MYO9A: variants seen among roughly 807,000 people sequenced by gnomAD.
MYO9A encodes the protein unconventional myosin-IXa.
MYO9A carries 103 observed loss-of-function variants against 293.3 expected under a neutral mutation model. The ratio of observed to expected loss-of-function variants is 0.35; its 90% CI spans 0.30 to 0.41. The LOEUF is 0.41. Among genes scored for constraint, MYO9A ranks in the 10% least tolerant of loss-of-function variants. MYO9A has a pLI of 1.00. For missense variants in MYO9A, 2,685 were observed against 3,033.0 expected (o/e 0.89, Z 2.69); for synonymous variants, 1,001 against 1,035.7 (o/e 0.97, Z 0.64).
chr15:71,981,785 C>A (rs957171152), intron 11 of MYO9A, among the ~76,000 whole-genome samples: 7 of 151,862 alleles, frequency 4.6e-5, no homozygotes, highest in Non-Finnish European at 8.8e-5. Context: ...TTAATTTCCT[C>A]TTTTATCTCT....
intron 6 of MYO9A, among the ~76,000 whole-genome samples, chr15:72,017,166 G>A (rs1013733233): frequency 2.0e-5 from 3 of 151,718 alleles, no homozygotes; most frequent in African/African-American, 4.8e-5. Flanking sequence ...AACTACAGGC[G>A]TGTATCACTA....
chr15:71,987,556 AG>A (rs1424401249), intron 11 of MYO9A, among the ~76,000 whole-genome samples: 1 of 152,168 alleles, frequency 6.6e-6, no homozygotes, highest in Non-Finnish European at 1.5e-5. Flanking sequence ...GCAGCCTTTC[AG>A]GTAGTTCCAA....
At chr15:72,067,903 T>G (rs1362522991) in intron 1 of MYO9A, among the ~76,000 whole-genome samples, 2 of 152,188 alleles carry the variant, frequency 1.3e-5, no homozygotes, top group Non-Finnish European at 2.9e-5. Flanking sequence ...TCATATTGTT[T>G]TACTCTGCAA....
intron 18 of MYO9A, 24 bp downstream of exon 18, chr15:71,933,646 A>T (rs1451269233): frequency 6.3e-7 from 1 of 1,596,252 alleles, no homozygotes; most frequent in African/African-American, 1.3e-5. Context: ...ATACCAATAC[A>T]AAAAAAGTTT....
chr15:71,983,229 T>G (rs974725142), intron 11 of MYO9A, among the ~76,000 whole-genome samples: 7 of 151,978 alleles, frequency 4.6e-5, no homozygotes, highest in African/African-American at 1.7e-4. Context: ...GGATTGAGTG[T>G]TCTTATTTTA....
At chr15:72,040,736 C>T (rs188142874) in intron 2 of MYO9A, among the ~76,000 whole-genome samples, 1 of 151,714 alleles carries the variant, frequency 6.6e-6, no homozygotes, top group East Asian at 1.9e-4. Flanking sequence ...TTTCTTTCTA[C>T]AATGATTATA....
At chr15:72,091,997 T>C (rs1036639657) in intron 1 of MYO9A, among the ~76,000 whole-genome samples, 1 of 152,208 alleles carries the variant, frequency 6.6e-6, no homozygotes, top group Non-Finnish European at 1.5e-5. Context: ...ATTACAGGTG[T>C]TAGCCATCGC....
chr15:72,041,541 C>T, intron 2 of MYO9A: 1 of 347,574 alleles, frequency 2.9e-6, no homozygotes. Context: ...CACTATTTTG[C>T]ATGGTTGTCC....
intron 1 of MYO9A, among the ~76,000 whole-genome samples, chr15:72,082,665 T>C (rs186529674): frequency 6.6e-6 from 1 of 152,094 alleles, no homozygotes; most frequent in African/African-American, 2.4e-5. Flanking sequence ...AGTATGATGT[T>C]GGCTGTGGGT....
intron 6 of MYO9A, among the ~76,000 whole-genome samples, chr15:72,012,767 T>C (rs2077211106): frequency 6.6e-6 from 1 of 152,192 alleles, no homozygotes; most frequent in Admixed American, 6.5e-5. Context: ...AATCTATGCT[T>C]CCACATGTGT....
At chr15:71,895,758 A>G (rs2057306058) in intron 25 of MYO9A, among the ~76,000 whole-genome samples, 1 of 152,116 alleles carries the variant, frequency 6.6e-6, no homozygotes, top group Admixed American at 6.5e-5. Flanking sequence ...AAAAGAAATC[A>G]ACTCAAATAC....
chr15:72,091,888 G>A (rs569229014), intron 1 of MYO9A, among the ~76,000 whole-genome samples: 2 of 151,830 alleles, frequency 1.3e-5, no homozygotes, highest in African/African-American at 4.8e-5. Context: ...CTAATTTTTT[G>A]TATTTTTTTA....
intron 11 of MYO9A, among the ~76,000 whole-genome samples, chr15:71,986,337 G>A (rs2076406761): frequency 2.0e-5 from 3 of 152,152 alleles, no homozygotes; most frequent in Non-Finnish European, 4.4e-5. Flanking sequence ...CCAATCCCCT[G>A]TGGATACCCA....
intron 1 of MYO9A, among the ~76,000 whole-genome samples, chr15:72,049,366 A>G (rs925154111): frequency 3.9e-5 from 6 of 152,222 alleles, no homozygotes; most frequent in Non-Finnish European, 8.8e-5. Flanking sequence ...CTGAGTTACC[A>G]GGTTCCTAGT....
At chr15:71,960,941 G>A (rs141810956) in intron 13 of MYO9A, among the ~76,000 whole-genome samples, 1 of 152,250 alleles carries the variant, frequency 6.6e-6, no homozygotes, top group East Asian at 1.9e-4. Flanking sequence ...TGGAGCACTG[G>A]GGACAAGGAG....
chr15:72,025,362 A>G (rs2077631746), intron 4 of MYO9A, among the ~76,000 whole-genome samples: 3 of 152,148 alleles, frequency 2.0e-5, no homozygotes, highest in African/African-American at 7.2e-5. Context: ...AACATTGAGC[A>G]AAAAAACTTT....
intron 21 of MYO9A, 97 bp downstream of exon 21, chr15:71,903,832 G>C: frequency 9.5e-7 from 1 of 1,056,462 alleles, no homozygotes; most frequent in Non-Finnish European, 1.4e-6. Flanking sequence ...GAAGAATTAA[G>C]GAAAATAAGT....
intron 38 of MYO9A, 139 bp from the exon 39 acceptor site, chr15:71,849,107 G>C: frequency 1.2e-6 from 1 of 837,400 alleles, no homozygotes; most frequent in Non-Finnish European, 1.7e-6. Context: ...TCAGAGACAA[G>C]GTTTAGAATG....
intron 1 of MYO9A, among the ~76,000 whole-genome samples, chr15:72,103,282 GCAGC>G (rs1204948524): frequency 6.8e-6 from 1 of 146,708 alleles, no homozygotes; most frequent in Non-Finnish European, 1.5e-5. Flanking sequence ...AGCAGAAGCA[GCAGC>G]AAGCAGCAGC....
Sources: allele counts gnomAD v4.1 joint callset (sites outside exome capture counted in the v4.1 genomes callset), GRCh38; gene constraint gnomAD v4.1.1; transcripts MANE v1.5; gene names NCBI Gene and HGNC (gene_info 2026-07-23, HGNC 2026-07-21).